TMEM242: variants seen among roughly 807,000 people sequenced by gnomAD.
TMEM242 encodes UPF0463 transmembrane protein C6orf35.
Under a neutral mutation model 18.2 loss-of-function variants are expected in TMEM242, and 10 were observed. The observed-to-expected ratio is 0.55, with a 90% CI of 0.34 to 0.93. The LOEUF (loss-of-function observed/expected upper bound fraction) is 0.93, where lower values mean the gene tolerates loss of function less well. Ranked by LOEUF, TMEM242 falls within the 40% of genes least tolerant of loss-of-function variation. TMEM242 has a pLI of 0.02. For synonymous variants in TMEM242, 57 were observed against 69.9 expected, an observed-to-expected ratio of 0.81 and a Z score of 0.92; for missense variants, 186 against 175.5, an observed-to-expected ratio of 1.06 and a Z score of -0.34.
intron 3 of TMEM242, among the ~76,000 whole-genome samples, chr6:157,312,827 A>G (rs587706724): frequency 0.014 from 2,069 of 151,416 alleles, 74 homozygotes; most frequent in Non-Finnish European, 0.021. Context: ...GCCTCATCAT[A>G]GTGCCACAGT....
chr6:157,312,215 C>T (rs1251827322), intron 3 of TMEM242, among the ~76,000 whole-genome samples: 1 of 149,676 alleles, frequency 6.7e-6, no homozygotes. Context: ...GAGCTAGCGT[C>T]ATCATAGTGC....
Position 157,292,793 on chromosome 6 carries a change from A to G in TMEM242, c.*108T>C. ...ATCCAGTGCACTGGTTCAGTCAGCA[A>G]TCTGCCCATGTTCCTGGGAGAAATC... is the stretch of plus-strand genomic sequence containing the variant. On this transcript the variant is annotated 3_prime_UTR_variant, in exon 4 of 4. Transcript: ENST00000400788. 1.2e-6 allele frequency: 1 copy of G among 859,072 alleles called. No individual in the cohort carries two copies. The highest frequency in any genetic ancestry group is 2.4e-5 in the East Asian group (1 of 40,930). 53.2% of individuals were successfully genotyped at this position (859,072 alleles called of 1,614,324 possible).
intron 3 of TMEM242, chr6:157,299,628 T>C (rs1777799947): frequency 6.2e-7 from 1 of 1,605,086 alleles, no homozygotes; most frequent in Non-Finnish European, 8.5e-7. Flanking sequence ...CAGAGGGGGC[T>C]GTACTGGACA....
At position 157,318,885 on chromosome 6, in the gene TMEM242, C is replaced by T. The variant is rs1554250566; in HGVS notation, c.224G>A (p.Gly75Glu). 2 of 1,609,844 alleles carry T rather than the reference C, an allele frequency of 1.2e-6. No homozygotes were observed. The highest frequency in any genetic ancestry group is 1.7e-6 in the Non-Finnish European group (2 of 1,178,880). The change falls in exon 3 of 4, where the codon GGG becomes GAG. Residue 75 changes from glycine (G) to glutamate (E), a missense_variant. Coordinates refer to ENST00000400788, the MANE Select transcript of TMEM242 (RefSeq NM_018452.6). ...CAGAGCTCGCAAGGCAAGGGAAGACCCGCTTTCCGGTAATGCAGCCGTGGC... is the reference window on the plus strand; with the variant it reads ...CAGAGCTCGCAAGGCAAGGGAAGACTCGCTTTCCGGTAATGCAGCCGTGGC... Reference protein sequence around the residue: ...SMATAALPESGSSLALRALGW... With the variant: ...SMATAALPESESSLALRALGW...
intron 3 of TMEM242, among the ~76,000 whole-genome samples, chr6:157,303,762 G>A (rs782220886): frequency 1.7e-4 from 23 of 136,470 alleles, no homozygotes; most frequent in Non-Finnish European, 3.1e-4. Flanking sequence ...AAAAATCATA[G>A]AATGCAAATT....
At chr6:157,310,528 C>T (rs1583562472) in intron 3 of TMEM242, among the ~76,000 whole-genome samples, 2 of 102,450 alleles carry the variant, frequency 2.0e-5, no homozygotes, top group Admixed American at 8.9e-5. Context: ...CTGGCCTCAT[C>T]ATGGTATCCC....
chr6:157,294,905 T>C (rs587599461), intron 3 of TMEM242, among the ~76,000 whole-genome samples: 37 of 152,298 alleles, frequency 2.4e-4, no homozygotes, highest in African/African-American at 8.4e-4. Context: ...TTTCCACATA[T>C]GTAGAATGGA....
At chr6:157,310,060 A>C (rs2128414297) in intron 3 of TMEM242, among the ~76,000 whole-genome samples, 1 of 152,328 alleles carries the variant, frequency 6.6e-6, no homozygotes, top group East Asian at 1.9e-4. Context: ...ACTAGGAATT[A>C]TTTAGATATT....
At chr6:157,301,668 T>A (rs1480103263) in intron 3 of TMEM242, among the ~76,000 whole-genome samples, 1 of 152,114 alleles carries the variant, frequency 6.6e-6, no homozygotes, top group Non-Finnish European at 1.5e-5. Context: ...ACGCAGTGGC[T>A]CACACCTGTA....
At chr6:157,323,074 C>A (rs1778520786) in intron 1 of TMEM242, among the ~76,000 whole-genome samples, 1 of 152,154 alleles carries the variant, frequency 6.6e-6, no homozygotes, top group Admixed American at 6.5e-5. Flanking sequence ...CTTCCCCTCT[C>A]CCCTGGGACC....
chr6:157,311,225 G>C (rs1583565159), intron 3 of TMEM242, among the ~76,000 whole-genome samples: 2 of 110,690 alleles, frequency 1.8e-5, no homozygotes, highest in African/African-American at 7.2e-5. Context: ...CGCTCACCTA[G>C]CCTCATCATA....
At chr6:157,293,297 G>A (rs1485186382) in intron 3 of TMEM242, among the ~76,000 whole-genome samples, 1 of 152,122 alleles carries the variant, frequency 6.6e-6, no homozygotes, top group African/African-American at 2.4e-5. Flanking sequence ...TGGGTAGATT[G>A]CTTGAGCCCA....
chr6:157,301,214 G>GCC (rs1240275282), intron 3 of TMEM242, among the ~76,000 whole-genome samples: 2 of 152,100 alleles, frequency 1.3e-5, no homozygotes, highest in Non-Finnish European at 2.9e-5. Flanking sequence ...CTGGAATGGG[G>GCC]CCCCTTGGTA....
At position 157,304,736 on chromosome 6, in the gene TMEM242, A is replaced by G. The variant is rs587705425; in HGVS notation, c.328-11737T>C. On this transcript the variant is annotated intron_variant, in intron 3 of 3. Coordinates refer to ENST00000400788, the MANE Select transcript of TMEM242 (RefSeq NM_018452.6). Reference sequence around the variant, plus strand: ...ATAGGCGTTACAAAGAAAAGAAAATAGGATAATTTCAGAGAGTAACTGGGT... The same window carrying G: ...ATAGGCGTTACAAAGAAAAGAAAATGGGATAATTTCAGAGAGTAACTGGGT... Among the ~76,000 whole-genome samples the G allele has an allele frequency of 1.2e-4, 18 of 152,334 alleles. No individual in the cohort carries two copies. In the South Asian group the frequency reaches 3.5e-3, roughly 30 times the overall value.
intron 3 of TMEM242, among the ~76,000 whole-genome samples, chr6:157,313,359 TGGCCTC>T (rs1778263607): frequency 3.3e-3 from 11 of 3,374 alleles, no homozygotes; most frequent in East Asian, 8.1e-3. Context: ...TGCGCTCACC[TGGCCTC>T]ATCATAGTGC....
intron 3 of TMEM242, among the ~76,000 whole-genome samples, chr6:157,303,126 G>A (rs142184848): frequency 5.4e-4 from 82 of 152,318 alleles, no homozygotes; most frequent in African/African-American, 1.9e-3. Context: ...AAATACTTAC[G>A]AATGTGCCAC....
chr6:157,310,986 GCGCTAACCTAGC>G (rs1778034813), intron 3 of TMEM242, among the ~76,000 whole-genome samples: 1 of 710 alleles, frequency 1.4e-3, no homozygotes, highest in Non-Finnish European at 2.5e-3. Flanking sequence ...GTCCCAGTAT[GCGCTAACCTAGC>G]CTCCCCAGTG....
chr6:157,298,444 T>C (rs587768906), intron 3 of TMEM242, among the ~76,000 whole-genome samples: 7 of 152,306 alleles, frequency 4.6e-5, no homozygotes, highest in Admixed American at 1.3e-4. Flanking sequence ...ACTATTTTCA[T>C]ATCTTAACCA....
At chr6:157,295,802 A>G (rs1328811832) in intron 3 of TMEM242, among the ~76,000 whole-genome samples, 1 of 152,188 alleles carries the variant, frequency 6.6e-6, no homozygotes, top group Non-Finnish European at 1.5e-5. Context: ...AGGAACGGAG[A>G]TGGGTAAAGG....
Sources: allele counts gnomAD v4.1 joint callset (sites outside exome capture counted in the v4.1 genomes callset), GRCh38; gene constraint gnomAD v4.1.1; transcripts MANE v1.5; gene names NCBI Gene and HGNC (gene_info 2026-07-23, HGNC 2026-07-21).